The following IQSEC3 variants were observed in gnomAD, a reference collection of about 807,000 sequenced individuals.
The protein encoded by IQSEC3 is IQ motif and SEC7 domain-containing protein 3.
A neutral mutation model predicts 105.4 loss-of-function variants in IQSEC3; 50 were observed. The ratio of observed to expected loss-of-function variants is 0.47; its 90% CI spans 0.38 to 0.60. The LOEUF is 0.60. IQSEC3 is among the 20% of genes least tolerant of loss of function. IQSEC3 has a pLI of 0.00. For missense variants in IQSEC3, 1,415 were observed against 1,630.0 expected (o/e 0.87, Z 2.27); for synonymous variants, 708 against 746.0 (o/e 0.95, Z 0.83).
Position 175,090 on chromosome 12 carries a change from G to A in IQSEC3, c.*57G>A. 2 of 1,312,682 alleles carry A rather than the reference G, an allele frequency of 1.5e-6. No individual in the cohort carries two copies. The highest frequency in any genetic ancestry group is 2.5e-5 in the East Asian group (1 of 39,612). 81.3% of individuals were successfully genotyped at this position (1,312,682 alleles called of 1,614,324 possible). ...GGCTGGCCACTGGGGGGCCTGGGCT[G>A]CCCCTCCACTGCTCCCCATACCCTG... On this transcript the variant is annotated 3_prime_UTR_variant, in exon 14 of 14. Coordinates refer to ENST00000538872, the MANE Select transcript of IQSEC3 (RefSeq NM_001170738.2).
chr12:81,699 G>T (rs1048369073), intron 1 of IQSEC3, among the ~76,000 whole-genome samples: 1 of 152,196 alleles, frequency 6.6e-6, no homozygotes, highest in South Asian at 2.1e-4. Flanking sequence ...TTTGGAATGG[G>T]CTGGAGGTAT....
At chr12:163,188 C>G (rs1401243576) in intron 8 of IQSEC3, among the ~76,000 whole-genome samples, 1 of 145,188 alleles carries the variant, frequency 6.9e-6, no homozygotes, top group African/African-American at 2.7e-5. Flanking sequence ...CTCCTCCCTC[C>G]ACAGAACCGG....
chr12:141,275 G>C lies in IQSEC3; in HGVS notation c.2143G>C (p.Asp715His). Residue 715 changes from aspartate to histidine, a missense_variant, in exon 5 of 14, where the codon GAC becomes CAC. Coordinates refer to ENST00000538872, the MANE Select transcript of IQSEC3 (RefSeq NM_001170738.2). The stretch of plus-strand genomic sequence containing the variant: ...CAACAGCAAGAAGCAGTTCAACCGC[G>C]ACGTGCTGGAGTGAGTACCCCACAC... Reference protein sequence around the residue: ...LGNSKKQFNRDVLDCVVDEMD... With the variant: ...LGNSKKQFNRHVLDCVVDEMD... The C allele has an allele frequency of 6.2e-7, 1 of 1,613,966 alleles. No homozygotes were observed. Among genetic ancestry groups the C allele is most frequent in the Non-Finnish European group, 8.5e-7 (1 of 1,179,950 alleles).
intron 1 of IQSEC3, among the ~76,000 whole-genome samples, chr12:68,031 A>AGAGAAAACCAAG: frequency 6.7e-6 from 1 of 150,038 alleles, no homozygotes; most frequent in Admixed American, 6.6e-5. Flanking sequence ...GGAAGAGAAA[A>AGAGAAAACCAAG]TGTGGCTCTT....
intron 2 of IQSEC3, among the ~76,000 whole-genome samples, chr12:121,473 A>T (rs1265424381): frequency 6.6e-6 from 1 of 152,144 alleles, no homozygotes; most frequent in Admixed American, 6.5e-5. Flanking sequence ...CCAAAGCTCA[A>T]ATCCACACTG....
At chr12:94,818 C>T (rs1386944508) in intron 1 of IQSEC3, among the ~76,000 whole-genome samples, 2 of 152,264 alleles carry the variant, frequency 1.3e-5, no homozygotes, top group African/African-American at 4.8e-5. Flanking sequence ...CAGCCTATGA[C>T]CATGTAGGTG....
chr12:124,389 C>CAAA (rs55767927), intron 2 of IQSEC3, among the ~76,000 whole-genome samples: 67 of 124,894 alleles, frequency 5.4e-4, no homozygotes, highest in East Asian at 1.6e-3. Context: ...AACTCCATCT[C>CAAA]AAAAAAAAAA....
intron 2 of IQSEC3, among the ~76,000 whole-genome samples, chr12:103,052 C>A (rs1864480821): frequency 6.6e-6 from 1 of 152,142 alleles, no homozygotes; most frequent in African/African-American, 2.4e-5. Flanking sequence ...TCTTTCTCCC[C>A]AGAAAAGATC....
intron 7 of IQSEC3, among the ~76,000 whole-genome samples, chr12:160,194 A>G (rs1455642516): frequency 7.0e-6 from 1 of 143,552 alleles, no homozygotes; most frequent in African/African-American, 2.6e-5. Flanking sequence ...TTTCCCCCAT[A>G]TTTCTTTCTC....
intron 1 of IQSEC3, among the ~76,000 whole-genome samples, chr12:70,576 C>T (rs1309199629): frequency 1.3e-5 from 2 of 152,264 alleles, no homozygotes; most frequent in Non-Finnish European, 2.9e-5. Context: ...AGGCTCACGG[C>T]ATCTACAGAA....
chr12:131,679 G>T (rs905278822), intron 3 of IQSEC3, among the ~76,000 whole-genome samples: 1 of 152,218 alleles, frequency 6.6e-6, no homozygotes, highest in Non-Finnish European at 1.5e-5. Flanking sequence ...CAGATGTCTT[G>T]CCTGTGATGG....
chr12:67,639 GC>G (rs1863151710), intron 1 of IQSEC3, among the ~76,000 whole-genome samples: 1 of 145,312 alleles, frequency 6.9e-6, no homozygotes. Context: ...GAATGCTGGA[GC>G]AAAAAGGAGT....
intron 3 of IQSEC3, among the ~76,000 whole-genome samples, chr12:134,631 C>T (rs1565421508): frequency 6.6e-6 from 1 of 152,160 alleles, no homozygotes; most frequent in South Asian, 2.1e-4. Context: ...CAGTGGCCCA[C>T]GCCTGTAATC....
At chr12:156,882 G>T in intron 5 of IQSEC3, 143 bp from the exon 6 acceptor site, 2 of 1,005,062 alleles carry the variant, frequency 2.0e-6, no homozygotes, top group Non-Finnish European at 2.7e-6. Context: ...TGGTCCTCTT[G>T]GGGCATTAAA....
intron 4 of IQSEC3, chr12:139,615 T>G (rs1555088495): frequency 2.5e-6 from 1 of 402,076 alleles, no homozygotes; most frequent in East Asian, 3.6e-5. Context: ...TTCACAACTG[T>G]TACAGCTTAA....
intron 2 of IQSEC3, among the ~76,000 whole-genome samples, chr12:115,736 A>G (rs7971694): frequency 0.51 from 77,622 of 151,878 alleles, 20,783 homozygotes; most frequent in Middle Eastern, 0.61. Flanking sequence ...CCACACAGCT[A>G]GTGAGTGGCG....
chr12:158,192 G>A (rs1264055244), intron 7 of IQSEC3, among the ~76,000 whole-genome samples: 5 of 150,784 alleles, frequency 3.3e-5, no homozygotes, highest in Non-Finnish European at 5.9e-5. Context: ...TTTTTTACCC[G>A]TTAAAAGAAT....
At chr12:143,586 A>C (rs553928273) in intron 5 of IQSEC3, 2 of 168,050 alleles carry the variant, frequency 1.2e-5, no homozygotes, top group African/African-American at 4.8e-5. Context: ...GCCAGAGTTC[A>C]TGCAGGGCAG....
intron 3 of IQSEC3, among the ~76,000 whole-genome samples, chr12:126,544 G>GGT (rs56871643): frequency 0.052 from 7,528 of 145,748 alleles, 342 homozygotes; most frequent in East Asian, 0.16. Context: ...CTTGATGGAA[G>GGT]GTGTGTGTGT....
Sources: allele counts gnomAD v4.1 joint callset (sites outside exome capture counted in the v4.1 genomes callset), GRCh38; gene constraint gnomAD v4.1.1; transcripts MANE v1.5; gene names NCBI Gene and HGNC (gene_info 2026-07-23, HGNC 2026-07-21).